The following MAPRE3 variants were observed in gnomAD, a reference collection of about 807,000 sequenced individuals.
MAPRE3 encodes microtubule-associated protein RP/EB family member 3.
MAPRE3 carries 2 observed loss-of-function variants against 30.5 expected under a neutral mutation model. The ratio of observed to expected loss-of-function variants is 0.07; its 90% CI spans 0.03 to 0.21. The LOEUF (loss-of-function observed/expected upper bound fraction) is 0.21, where lower values mean the gene tolerates loss of function less well. MAPRE3 is among the 10% of genes least tolerant of loss of function. MAPRE3 has a pLI of 1.00. For missense variants in MAPRE3, 204 were observed against 351.8 expected, an observed-to-expected ratio of 0.58 and a Z score of 3.36; for synonymous variants, 110 against 127.7, an observed-to-expected ratio of 0.86 and a Z score of 0.93.
chr2:27,011,481 A>G (rs1163111305), intron 1 of MAPRE3, among the ~76,000 whole-genome samples: 2 of 152,210 alleles, frequency 1.3e-5, no homozygotes, highest in Non-Finnish European at 2.9e-5. Flanking sequence ...AAATGATCCC[A>G]TGTCCTCATG....
At chr2:27,000,842 C>G (rs554620088) in intron 1 of MAPRE3, among the ~76,000 whole-genome samples, 1 of 152,242 alleles carries the variant, frequency 6.6e-6, no homozygotes, top group African/African-American at 2.4e-5. Flanking sequence ...GCAACAGAAG[C>G]CTTAAAGTAG....
rs1000884904 is a variant in MAPRE3, at chr2:27,026,484, G to T, written c.*136G>T. On this transcript the variant is annotated 3_prime_UTR_variant, in exon 7 of 7. Coordinates refer to ENST00000233121, the MANE Select transcript of MAPRE3 (RefSeq NM_012326.4). ...GCTGCAGCACTGGGGAGCCAGGCGA[G>T]GGGGGCTTGGGGGCATGGGGCCGGA... 17 of 703,724 alleles carry T rather than the reference G, an allele frequency of 2.4e-5. No homozygotes were observed. The highest frequency in any genetic ancestry group is 2.2e-4 in the Admixed American group (7 of 32,004). 43.6% of individuals were successfully genotyped at this position (703,724 alleles called of 1,614,324 possible).
chr2:27,022,985 T>A (rs962649986), intron 2 of MAPRE3: 1 of 188,456 alleles, frequency 5.3e-6, no homozygotes, highest in African/African-American at 2.3e-5. Flanking sequence ...AGCTCTCAGC[T>A]CTTCTGGTGG....
In MAPRE3 at chr2:26,994,860, T is replaced by G. The variant is rs200988862; in HGVS notation, c.-8+24058T>G. On this transcript the variant is annotated intron_variant, in intron 1 of 6. Transcript: ENST00000233121. ...TTTTTTTTTTAAGAAATGAGTGATG[T>G]CTTACTCTGTCTATCACCCAGGCTG... Among the ~76,000 whole-genome samples, 6 of 149,266 alleles carry G rather than the reference T, an allele frequency of 4.0e-5. No homozygotes were observed. The East Asian group carries it at 1.2e-3, about 29-fold the overall frequency.
chr2:27,014,107 T>C (rs1378451460), intron 1 of MAPRE3: 3 of 152,192 alleles, frequency 2.0e-5, no homozygotes, highest in Non-Finnish European at 4.4e-5. Context: ...AAAGTAGGTG[T>C]TTGAGGAACT....
chr2:26,981,483 CAG>C (rs1666111642), intron 1 of MAPRE3, among the ~76,000 whole-genome samples: 1 of 152,174 alleles, frequency 6.6e-6, no homozygotes, highest in Non-Finnish European at 1.5e-5. Flanking sequence ...AGGCCACTGA[CAG>C]AGGAAGATTT....
chr2:26,974,653 A>G (rs987044028), intron 1 of MAPRE3, among the ~76,000 whole-genome samples: 15 of 152,206 alleles, frequency 9.9e-5, no homozygotes, highest in Admixed American at 8.5e-4. Flanking sequence ...GACCTCTGGA[A>G]GCAGGCAGAC....
intron 1 of MAPRE3, among the ~76,000 whole-genome samples, chr2:26,982,986 C>T (rs1484468988): frequency 6.6e-6 from 1 of 152,128 alleles, no homozygotes; most frequent in Non-Finnish European, 1.5e-5. Context: ...CAGAGACTCT[C>T]AAGATTTGGA....
chr2:26,999,324 C>T (rs972669621), intron 1 of MAPRE3, among the ~76,000 whole-genome samples: 3 of 151,942 alleles, frequency 2.0e-5, no homozygotes, highest in Non-Finnish European at 1.5e-5. Context: ...GGAATACTAT[C>T]CAGTCACAAA....
At chr2:27,026,195 C>T in intron 6 of MAPRE3, 85 bp from the exon 7 acceptor site, 1 of 1,422,830 alleles carries the variant, frequency 7.0e-7, no homozygotes, top group Admixed American at 1.9e-5. Context: ...ACTCCTGACC[C>T]CTTGCTCTTC....
At chr2:26,977,246 T>C (rs1188135273) in intron 1 of MAPRE3, among the ~76,000 whole-genome samples, 1 of 152,274 alleles carries the variant, frequency 6.6e-6, no homozygotes, top group African/African-American at 2.4e-5. Context: ...TTTTCTGCAT[T>C]AAGCAACTAT....
chr2:27,024,867 A>G (rs1355460635), intron 4 of MAPRE3, among the ~76,000 whole-genome samples: 4 of 152,136 alleles, frequency 2.6e-5, no homozygotes, highest in African/African-American at 9.7e-5. Context: ...AGGGGAAGGG[A>G]GAGGAGCAGC....
intron 1 of MAPRE3, among the ~76,000 whole-genome samples, chr2:26,995,821 G>GTGTGTGTGTGTGTGTGTGTA (rs1572753306): frequency 6.7e-6 from 1 of 150,004 alleles, no homozygotes; most frequent in East Asian, 2.0e-4. Flanking sequence ...GTGTGTGTGT[G>GTGTGTGTGTGTGTGTGTGTA]TGTGTGTGTA....
chr2:27,017,783 C>T (rs1667020720), intron 1 of MAPRE3, among the ~76,000 whole-genome samples: 1 of 150,096 alleles, frequency 6.7e-6, no homozygotes, highest in African/African-American at 2.5e-5. Context: ...CCAGAATCAT[C>T]TGGGCTATTC....
intron 1 of MAPRE3, among the ~76,000 whole-genome samples, chr2:26,993,733 G>A (rs1033971233): frequency 7.9e-5 from 12 of 152,148 alleles, no homozygotes; most frequent in Admixed American, 6.5e-4. Context: ...GGAGTCATCT[G>A]CCCCCTTCTC....
At chr2:27,008,447 G>T (rs188830501) in intron 1 of MAPRE3, among the ~76,000 whole-genome samples, 54 of 152,144 alleles carry the variant, frequency 3.5e-4, no homozygotes, top group Admixed American at 9.8e-4. Context: ...AAAAATTAAA[G>T]TTATGAAATT....
intron 1 of MAPRE3, among the ~76,000 whole-genome samples, chr2:26,980,726 C>A (rs1044805680): frequency 6.6e-6 from 1 of 152,120 alleles, no homozygotes; most frequent in African/African-American, 2.4e-5. Context: ...TTTAAATAAG[C>A]TTTTTATACA....
chr2:27,004,255 A>G (rs189760929), intron 1 of MAPRE3, among the ~76,000 whole-genome samples: 2 of 152,282 alleles, frequency 1.3e-5, no homozygotes, highest in Non-Finnish European at 1.5e-5. Context: ...GCCCGTCCAC[A>G]TAGCTCAATG....
At chr2:27,016,986 G>C (rs889985750) in intron 1 of MAPRE3, among the ~76,000 whole-genome samples, 3 of 152,044 alleles carry the variant, frequency 2.0e-5, no homozygotes, top group African/African-American at 7.2e-5. Context: ...CTCTGGAAAG[G>C]GGGTTTGGGG....
Sources: allele counts gnomAD v4.1 joint callset (sites outside exome capture counted in the v4.1 genomes callset), GRCh38; gene constraint gnomAD v4.1.1; transcripts MANE v1.5; gene names NCBI Gene and HGNC (gene_info 2026-07-23, HGNC 2026-07-21).